DIDO1: variants seen among roughly 807,000 people sequenced by gnomAD.
The protein encoded by DIDO1 is death-inducer obliterator 1.
In DIDO1, 16 loss-of-function variants were observed where a neutral mutation model predicts 99.4. The observed-to-expected ratio is 0.16, with a 90% CI of 0.11 to 0.24. DIDO1 has a LOEUF of 0.24. Among genes scored for constraint, DIDO1 ranks in the 10% least tolerant of loss-of-function variants. The pLI is 1.00. For missense variants in DIDO1, 2,996 were observed against 3,014.0 expected (o/e 0.99, Z 0.14); for synonymous variants, 1,366 against 1,239.1 (o/e 1.10, Z -2.15).
chr20:62,882,024 G>A lies in DIDO1; in HGVS notation c.3932C>T (p.Ala1311Val), dbSNP rs1331662406. 1 of 1,613,602 alleles carries A rather than the reference G, an allele frequency of 6.2e-7. No individual in the cohort carries two copies. Among genetic ancestry groups the A allele is most frequent in the Admixed American group, 1.7e-5 (1 of 60,032 alleles). ...CTGCAGGATGTGCTCCAGCGGTGAT[G>A]CTGTTTTGGAAGCAGACGAAGCGGT... is the stretch of plus-strand genomic sequence containing the variant. ...SSTASSASKT[A>V]SPLEHILQTL... Residue 1311 changes from alanine (A) to valine (V), a missense_variant, in exon 16 of 16, where the codon GCA becomes GTA. Coordinates refer to ENST00000395343, the MANE Select transcript of DIDO1 (RefSeq NM_001193369.2).
chr20:62,903,639 A>C (rs894085477), intron 6 of DIDO1, among the ~76,000 whole-genome samples: 4 of 152,224 alleles, frequency 2.6e-5, no homozygotes, highest in African/African-American at 9.6e-5. Flanking sequence ...ACTCTGCTCC[A>C]ATCAATCACC....
upstream of DIDO1, among the ~76,000 whole-genome samples, chr20:62,930,003 G>A (rs1261330933): frequency 6.6e-6 from 1 of 151,934 alleles, no homozygotes; most frequent in African/African-American, 2.4e-5. Flanking sequence ...AGGCCGAGGT[G>A]GGTGGATCGC....
At chr20:62,928,964 T>A (rs1338968702), upstream of DIDO1, 1 of 142,720 alleles carries the variant, frequency 7.0e-6, no homozygotes, top group African/African-American at 2.6e-5. Flanking sequence ...AACTCAGCAA[T>A]TCTTAAAAAA....
intron 15 of DIDO1, chr20:62,889,884 G>A (rs2064363275): frequency 2.0e-6 from 2 of 985,312 alleles, no homozygotes; most frequent in African/African-American, 1.7e-5. Context: ...ATCCCTTTAT[G>A]GACATATAAT....
intron 1 of DIDO1, among the ~76,000 whole-genome samples, chr20:62,916,608 G>A (rs1395591708): frequency 6.6e-6 from 1 of 152,222 alleles, no homozygotes; most frequent in East Asian, 1.9e-4. Flanking sequence ...AACAGGAAGA[G>A]TGGCCCTGTT....
chr20:62,889,478 GA>G (rs2064355670), intron 15 of DIDO1: 15 of 985,380 alleles, frequency 1.5e-5, no homozygotes, highest in African/African-American at 1.7e-5. Flanking sequence ...CGCTATCTAA[GA>G]ATCATGTTTC....
chr20:62,905,451 T>C lies in DIDO1; in HGVS notation c.1588+436A>G, dbSNP rs1200871912. 2.0e-6 allele frequency: 3 copies of C among 1,528,024 alleles called. No homozygotes were observed. In the Admixed American group the frequency reaches 6.2e-5, roughly 32 times the overall value. The allele number at this position is 1,528,024 out of a possible 1,614,324, so 94.7% of individuals were successfully genotyped here. A position where few individuals can be genotyped will look rare whatever the true frequency, so the allele number is the denominator to read the frequency against. ...ACATAAAAAAGAAGTGATGCTTTCATGTGCTGGCCGTGGACAATGTGGAAA... is the reference window on the plus strand; with the variant it reads ...ACATAAAAAAGAAGTGATGCTTTCACGTGCTGGCCGTGGACAATGTGGAAA... On this transcript the variant is annotated intron_variant, in intron 6 of 15. Coordinates refer to ENST00000395343, the MANE Select transcript of DIDO1 (RefSeq NM_001193369.2).
chr20:62,897,856 T>C (rs2064572518), intron 6 of DIDO1, among the ~76,000 whole-genome samples: 1 of 152,044 alleles, frequency 6.6e-6, no homozygotes, highest in African/African-American at 2.4e-5. Flanking sequence ...CTCGTTGAGG[T>C]GCACCGCATG....
In DIDO1 at chr20:62,893,889, T is replaced by A; in HGVS notation, c.2878A>T (p.Thr960Ser). ...PASCGSGVVT[T>S]VTVSGRDPRT... Reference sequence around the variant, plus strand: ...GGGTCCCGGCCGGACACTGTGACGGTGGTGACCACCCCGCTCCCACAGGAG... The same window carrying A: ...GGGTCCCGGCCGGACACTGTGACGGAGGTGACCACCCCGCTCCCACAGGAG... Residue 960 changes from threonine (T) to serine (S), a missense_variant, in exon 12 of 16, where the codon ACC becomes TCC. Thr to Ser is a moderately conservative substitution (Grantham distance 58). Around this residue, in one of 5 missense-constraint regions of DIDO1, gnomAD observed 898 missense variants for 972.7 expected, o/e 0.92. Coordinates refer to ENST00000395343, the MANE Select transcript of DIDO1 (RefSeq NM_001193369.2). The A allele has an allele frequency of 6.2e-7, 1 of 1,611,246 alleles. No individual in the cohort carries two copies. Among genetic ancestry groups the A allele is most frequent in the African/African-American group, 1.3e-5 (1 of 74,980 alleles).
intron 2 of DIDO1, among the ~76,000 whole-genome samples, chr20:62,912,825 A>C (rs2064971434): frequency 6.6e-6 from 1 of 152,228 alleles, no homozygotes; most frequent in South Asian, 2.1e-4. Flanking sequence ...TGAGGTTAGG[A>C]GTTCGAGACC....
At chr20:62,906,190 T>C in intron 5 of DIDO1, 90 bp from the exon 6 acceptor site, 1 of 1,494,194 alleles carries the variant, frequency 6.7e-7, no homozygotes. Flanking sequence ...GGGGACCCAA[T>C]GTCTTCCTGA....
chr20:62,893,041 T>G (rs1162789719), intron 12 of DIDO1, 79 bp from the exon 13 acceptor site: 2 of 1,478,146 alleles, frequency 1.4e-6, no homozygotes, highest in African/African-American at 2.8e-5. Context: ...CCTTTTTTTT[T>G]TTTGAGACAG....
At chr20:62,892,195 A>G (rs2064413362) in intron 13 of DIDO1, 119 bp from the exon 14 acceptor site, 1 of 838,868 alleles carries the variant, frequency 1.2e-6, no homozygotes, top group Admixed American at 3.2e-5. Context: ...TATTCCAAGG[A>G]AAAGAGTCAC....
At chr20:62,882,736 C>A (rs2147354482) in intron 15 of DIDO1, among the ~76,000 whole-genome samples, 1 of 149,398 alleles carries the variant, frequency 6.7e-6, no homozygotes, top group African/African-American at 2.5e-5. Flanking sequence ...GAATTCATCC[C>A]AATCGTCTGA....
At chr20:62,895,680 C>T (rs892160897) in intron 8 of DIDO1, among the ~76,000 whole-genome samples, 1 of 152,194 alleles carries the variant, frequency 6.6e-6, no homozygotes, top group Non-Finnish European at 1.5e-5. Context: ...GCTGTCAGCC[C>T]GGCGGCCTAT....
In DIDO1 at chr20:62,881,948, G is replaced by A. The variant is rs145621116; in HGVS notation, c.4008C>T (p.Pro1336=). The A allele has an allele frequency of 6.2e-7, 1 of 1,613,368 alleles. No homozygotes were observed. Among genetic ancestry groups the A allele is most frequent in the Non-Finnish European group, 8.5e-7 (1 of 1,180,038 alleles). Residue 1336 remains proline (P), a synonymous_variant, in exon 16 of 16, where the codon CCC becomes CCT. Transcript: ENST00000395343. This position sits in a 1 kb window ranked among gnomAD's most constrained non-coding sequence, Gnocchi z 8.3. ...CCTGGGGGAGACCTGCGGTGGACCC[G>A]GGAGGCTCTCTGGCGGACGGGTCGA... ...KSFDPSAREP[P]GSTAGLPQEP...
intron 1 of DIDO1, among the ~76,000 whole-genome samples, chr20:62,932,243 G>A (rs1337330732): frequency 6.6e-6 from 1 of 152,168 alleles, no homozygotes; most frequent in African/African-American, 2.4e-5. Flanking sequence ...CTGTAATCCT[G>A]ACACTTTGGG....
chr20:62,936,907 T>C (rs762943666), intron 1 of DIDO1, among the ~76,000 whole-genome samples: 7 of 152,272 alleles, frequency 4.6e-5, no homozygotes, highest in Non-Finnish European at 1.0e-4. Flanking sequence ...CCCATAGGGT[T>C]ATGTAGTTGC....
chr20:62,896,163 A>G lies in DIDO1; in HGVS notation c.2214+70T>C, dbSNP rs1280337503. The G allele has an allele frequency of 5.6e-6, 8 of 1,437,938 alleles. No individual in the cohort carries two copies. In the East Asian group the frequency reaches 1.9e-4, roughly 33 times the overall value. 89.1% of individuals were successfully genotyped at this position (1,437,938 alleles called of 1,614,324 possible). ...GGAAAGGACACGAACATCTCAAAATATTGGTTGATCCCTTTAGCACCCAGC... is the reference window on the plus strand; with the variant it reads ...GGAAAGGACACGAACATCTCAAAATGTTGGTTGATCCCTTTAGCACCCAGC... On this transcript the variant is annotated intron_variant, in intron 8 of 15. Transcript: ENST00000395343. This position sits in a 1 kb window ranked among gnomAD's most constrained non-coding sequence, Gnocchi z 4.4.
Sources: gnomAD v4.1 joint callset for allele counts (sites outside exome capture counted in the v4.1 genomes callset) on GRCh38, gnomAD v4.1.1 for gene constraint, gnomAD v4.1.1 regional missense constraint, Gnocchi (gnomAD v3.1) non-coding constraint, MANE v1.5 for transcripts, NCBI Gene and HGNC (gene_info 2026-07-23, HGNC 2026-07-21) for gene names.